SPECC1: variants seen among roughly 807,000 people sequenced by gnomAD.
The protein encoded by SPECC1 is sperm antigen with calponin homology and coiled-coil domains 1.
SPECC1 carries 62 observed loss-of-function variants against 104.1 expected under a neutral mutation model. The ratio of observed to expected loss-of-function variants is 0.60; its 90% confidence interval spans 0.49 to 0.74. SPECC1 has a LOEUF of 0.74. Ranked by LOEUF, SPECC1 falls within the 30% of genes least tolerant of loss-of-function variation. SPECC1 has a pLI of 0.00. For synonymous variants in SPECC1, 513 were observed against 501.6 expected (o/e 1.02, Z -0.30); for missense variants, 1,306 against 1,310.5 (o/e 1.00, Z 0.05).
At chr17:20,090,496 A>G (rs2047357571) in intron 1 of SPECC1, among the ~76,000 whole-genome samples, 1 of 151,850 alleles carries the variant, frequency 6.6e-6, no homozygotes, top group Non-Finnish European at 1.5e-5. Context: ...ATGGCTCAAG[A>G]TGCTGCAGCC....
chr17:20,233,919 G>A (rs1237878269), intron 7 of SPECC1, among the ~76,000 whole-genome samples: 2 of 152,160 alleles, frequency 1.3e-5, no homozygotes, highest in East Asian at 3.9e-4. Flanking sequence ...ATGATAAATG[G>A]TAAAAGACAA....
rs533261861 is a variant in SPECC1, at chr17:20,292,363, T to C, written c.2941-4598T>C. The stretch of plus-strand genomic sequence containing the variant: ...TTTTTTGGGGGGGGGACGGAGTTAA[T>C]CTCTGCACCCCAGCTGGAGTGCAGT... On this transcript the variant is annotated intron_variant, in intron 12 of 14. Transcript: ENST00000395527. Among the ~76,000 whole-genome samples, 126 of 151,800 alleles carry C rather than the reference T, an allele frequency of 8.3e-4. 1 individual carries two copies. Among genetic ancestry groups the C allele is most frequent in the Non-Finnish European group, 8.8e-5 (6 of 67,934 alleles).
At chr17:20,165,344 A>G (rs1235949799) in intron 3 of SPECC1, among the ~76,000 whole-genome samples, 1 of 152,152 alleles carries the variant, frequency 6.6e-6, no homozygotes. Flanking sequence ...TGCTGAGGAT[A>G]ATGGCTTCCA....
intron 1 of SPECC1, chr17:20,073,753 A>C (rs2046651880): frequency 6.6e-6 from 1 of 152,234 alleles, no homozygotes; most frequent in African/African-American, 2.4e-5. Flanking sequence ...ATCTTAGGAT[A>C]GCTGGGGAAG....
In SPECC1 at chr17:20,314,017, G is replaced by A. The variant is rs143263695; in HGVS notation, c.3159G>A (p.Gln1053=). The part of the protein sequence containing the change: ...EMLYTDRPDW[Q]SVMQYVAQIY... The stretch of plus-strand genomic sequence containing the variant: ...TGTACACAGACCGGCCCGACTGGCA[G>A]AGTGTGATGCAGTACGTGGCCCAAA... Residue 1053 remains glutamine (Q), a synonymous_variant, in exon 15 of 15, where the codon CAG becomes CAA. Coordinates refer to ENST00000395527, the MANE Select transcript of SPECC1 (RefSeq NM_001243439.2). The A allele has an allele frequency of 5.5e-5, 88 of 1,614,086 alleles. No homozygotes were observed. Among genetic ancestry groups the A allele is most frequent in the Non-Finnish European group, 7.3e-5 (86 of 1,180,044 alleles).
chr17:20,099,112 C>T (rs753660754), intron 2 of SPECC1, among the ~76,000 whole-genome samples: 2 of 152,116 alleles, frequency 1.3e-5, no homozygotes, highest in African/African-American at 4.8e-5. Context: ...GAAGGTAACA[C>T]CTTCTTTGTC....
chr17:20,070,529 A>G lies in SPECC1; in HGVS notation c.-21-26102A>G, dbSNP rs568453928. On this transcript the variant is annotated intron_variant, in intron 1 of 14. Coordinates refer to ENST00000395527, the MANE Select transcript of SPECC1 (RefSeq NM_001243439.2). ...CTAGTATTTTGTTGAGGATTTTTCT[A>G]TATCTTATCTATATATTTTATCTAT... Among the ~76,000 whole-genome samples the G allele has an allele frequency of 1.6e-3, 247 of 152,222 alleles. 1 individual carries two copies. The highest frequency in any genetic ancestry group is 1.7e-3 in the Non-Finnish European group (114 of 68,016).
intron 9 of SPECC1, among the ~76,000 whole-genome samples, chr17:20,248,422 T>G (rs1044740210): frequency 5.3e-5 from 8 of 152,138 alleles, no homozygotes; most frequent in African/African-American, 1.9e-4. Flanking sequence ...ACAAATTGAT[T>G]CCTAGTGAAG....
At chr17:20,036,561 G>C (rs547822719) in intron 1 of SPECC1, among the ~76,000 whole-genome samples, 8 of 152,242 alleles carry the variant, frequency 5.3e-5, no homozygotes, top group African/African-American at 1.9e-4. Flanking sequence ...TTTGTGGTGA[G>C]AACGCTTAAC....
At chr17:20,140,147 G>A (rs2030590865) in intron 3 of SPECC1, among the ~76,000 whole-genome samples, 2 of 152,046 alleles carry the variant, frequency 1.3e-5, no homozygotes, top group South Asian at 4.1e-4. Context: ...CTAAACCAGG[G>A]AAACCTAAAA....
chr17:20,293,100 C>T (rs1186890284), intron 12 of SPECC1, among the ~76,000 whole-genome samples: 1 of 152,102 alleles, frequency 6.6e-6, no homozygotes, highest in Admixed American at 6.5e-5. Flanking sequence ...TCTCTTTTGA[C>T]CTCAGTTTCA....
intron 14 of SPECC1, among the ~76,000 whole-genome samples, chr17:20,311,670 G>T (rs760200282): frequency 3.3e-5 from 5 of 152,166 alleles, no homozygotes; most frequent in Non-Finnish European, 7.4e-5. Flanking sequence ...TGGGATTACA[G>T]TCCAGTACAG....
At chr17:20,074,143 C>T (rs1301819352) in intron 1 of SPECC1, among the ~76,000 whole-genome samples, 19 of 152,108 alleles carry the variant, frequency 1.2e-4, no homozygotes, top group Admixed American at 1.1e-3. Flanking sequence ...TGGAGAGAAC[C>T]GCCCACTCGA....
chr17:20,318,711 G>A lies in SPECC1; in HGVS notation c.*4646G>A, dbSNP rs2042069115. The A allele has an allele frequency of 4.4e-6, 1 of 225,156 alleles. No homozygotes were observed. The highest frequency in any genetic ancestry group is 8.9e-6 in the Non-Finnish European group (1 of 112,982). The allele number at this position is 225,156 out of a possible 1,614,324, so 13.9% of individuals were successfully genotyped here. A position where few individuals can be genotyped will look rare whatever the true frequency, so the allele number is the denominator to read the frequency against. On this transcript the variant is annotated 3_prime_UTR_variant, in exon 15 of 15. Transcript: ENST00000395527. ...ATGCAGTAAAGGACATAACCTCACA[G>A]CCTTTTTAGAAGCATTTCGAATATC...
At chr17:20,125,603 TG>T (rs1460898683) in intron 3 of SPECC1, among the ~76,000 whole-genome samples, 9 of 152,240 alleles carry the variant, frequency 5.9e-5, no homozygotes, top group Non-Finnish European at 1.2e-4. Context: ...TTTGAGATTC[TG>T]CATCCAAGTG....
chr17:20,108,234 GA>G (rs1245519078), intron 2 of SPECC1, among the ~76,000 whole-genome samples: 2,274 of 139,584 alleles, frequency 0.016, 20 homozygotes, highest in African/African-American at 0.038. Context: ...CAAAAAAAAG[GA>G]AAAAAAAAAA....
chr17:20,274,614 G>T (rs2040517978), intron 12 of SPECC1, among the ~76,000 whole-genome samples: 1 of 148,778 alleles, frequency 6.7e-6, no homozygotes, highest in South Asian at 2.1e-4. Flanking sequence ...CCTAGTAGCT[G>T]GGATTACAAG....
intron 1 of SPECC1, among the ~76,000 whole-genome samples, chr17:20,047,538 C>T (rs917101760): frequency 1.3e-5 from 2 of 152,086 alleles, no homozygotes; most frequent in African/African-American, 4.8e-5. Context: ...TTTTCCTGTG[C>T]CATTTGTTTT....
intron 3 of SPECC1, among the ~76,000 whole-genome samples, chr17:20,191,990 G>A (rs2151286885): frequency 6.6e-6 from 1 of 152,164 alleles, no homozygotes; most frequent in Middle Eastern, 3.4e-3. Context: ...AGGCTGGAGT[G>A]CAGTGGTGCA....
Sources: gnomAD v4.1 joint callset for allele counts (sites outside exome capture counted in the v4.1 genomes callset) on GRCh38, gnomAD v4.1.1 for gene constraint, MANE v1.5 for transcripts, NCBI Gene and HGNC (gene_info 2026-07-23, HGNC 2026-07-21) for gene names.